DNAH14: variants seen among roughly 807,000 people sequenced by gnomAD.
The protein encoded by DNAH14 is dynein axonemal heavy chain 14.
In DNAH14, 478 loss-of-function variants were observed where a neutral mutation model predicts 520.9. That is an observed-to-expected ratio of 0.92 (90% CI 0.85 to 0.99). The LOEUF (loss-of-function observed/expected upper bound fraction) is 0.99, where lower values mean the gene tolerates loss of function less well. DNAH14 is among the 50% of genes least tolerant of loss of function. The pLI is 0.00. For synonymous variants in DNAH14, 1,581 were observed against 1,757.2 expected, an observed-to-expected ratio of 0.90 and a Z score of 2.51; for missense variants, 4,831 against 5,234.5, an observed-to-expected ratio of 0.92 and a Z score of 2.38.
Position 225,117,615 on chromosome 1 carries a change from A to G in DNAH14, c.3868-69A>G, listed in dbSNP as rs563694106. On this transcript the variant is annotated intron_variant, in intron 23 of 85. Transcript: ENST00000682510. ...GGCTTTTGTTTGTAAGTATAGGTCA[A>G]AATGAGGATGTAATTCATATCATAA... is the stretch of plus-strand genomic sequence containing the variant. The G allele has an allele frequency of 1.4e-5, 14 of 971,446 alleles. No homozygotes were observed. The South Asian group carries it at 2.0e-4, about 14-fold the overall frequency. The allele number at this position is 971,446 out of a possible 1,614,324, so 60.2% of individuals were successfully genotyped here. A position where few individuals can be genotyped will look rare whatever the true frequency, so the allele number is the denominator to read the frequency against.
At position 225,051,755 on chromosome 1, in the gene DNAH14, T is replaced by C. The variant is rs1317311495; in HGVS notation, c.2384T>C (p.Ile795Thr). Reference sequence around the variant, plus strand: ...GTCATACATATGAGCCACACCCTCATACAATCTGTAATTGAAAAAAAGAAC... The same window carrying C: ...GTCATACATATGAGCCACACCCTCACACAATCTGTAATTGAAAAAAAGAAC... The part of the protein sequence containing the change: ...DNVIHMSHTL[I>T]QSVIEKKNKN... The change falls in exon 17 of 86, where the codon ATA becomes ACA. Residue 795 changes from isoleucine to threonine, a missense_variant. Transcript: ENST00000682510. The C allele has an allele frequency of 1.9e-5, 29 of 1,521,812 alleles. No individual in the cohort carries two copies. The highest frequency in any genetic ancestry group is 2.6e-5 in the Non-Finnish European group (29 of 1,134,762). 94.3% of individuals were successfully genotyped at this position (1,521,812 alleles called of 1,614,324 possible).
At chr1:224,941,312 G>C (rs1571906803) in intron 1 of DNAH14, among the ~76,000 whole-genome samples, 1 of 151,894 alleles carries the variant, frequency 6.6e-6, no homozygotes, top group African/African-American at 2.4e-5. Context: ...CTGCATAAAT[G>C]TCTTCTTTTG....
chr1:225,336,650 C>G (rs1047722136), intron 66 of DNAH14, among the ~76,000 whole-genome samples: 1 of 152,162 alleles, frequency 6.6e-6, no homozygotes, highest in Non-Finnish European at 1.5e-5. Context: ...CCTATACCTG[C>G]AGCTGACACG....
chr1:225,338,484 T>G (rs2095109069), intron 68 of DNAH14, among the ~76,000 whole-genome samples: 1 of 152,170 alleles, frequency 6.6e-6, no homozygotes, highest in Non-Finnish European at 1.5e-5. Flanking sequence ...TGGCTCTGCT[T>G]GTTTGTTCTG....
chr1:225,094,656 C>CAAAAAAAAAAAAAAAAAAAAA (rs760828776), intron 21 of DNAH14, among the ~76,000 whole-genome samples: 1 of 77,818 alleles, frequency 1.3e-5, no homozygotes, highest in Non-Finnish European at 3.4e-5. Flanking sequence ...TTCTGCACAG[C>CAAAAAAAAAAAAAAAAAAAAA]AAAAAAAAAA....
rs765625626 is a variant in DNAH14, at chr1:224,960,166, A to G, written c.231A>G (p.Glu77=). The G allele has an allele frequency of 6.3e-7, 1 of 1,589,212 alleles. No individual in the cohort carries two copies. Among genetic ancestry groups the G allele is most frequent in the Admixed American group, 1.9e-5 (1 of 53,524 alleles). ...TTTTATTTTCAGATTACCTTAGAGA[A>G]AGTATAATTCAACAACATATGGTTT... is the stretch of plus-strand genomic sequence containing the variant. ...KSEKTEDYLR[E]SIIQQHMVSP... is the part of the protein sequence containing the mutation. Residue 77 remains glutamate, a synonymous_variant, in exon 4 of 86, where the codon GAA becomes GAG. Transcript: ENST00000682510.
intron 54 of DNAH14, among the ~76,000 whole-genome samples, chr1:225,287,163 G>A (rs2093766336): frequency 6.6e-6 from 1 of 152,088 alleles, no homozygotes; most frequent in Non-Finnish European, 1.5e-5. Context: ...ATTTGTCAAA[G>A]CCCATAGAAC....
In DNAH14 at chr1:225,066,487, A is replaced by G. The variant is rs1321433536; in HGVS notation, c.2425-12720A>G. On this transcript the variant is annotated intron_variant, in intron 17 of 85. Transcript: ENST00000682510. ...TTCAGTCTTCATTTTTAAATTTTTA[A>G]TTTATTTTTATTATGTATTTTTATT... Among the ~76,000 whole-genome samples the G allele has an allele frequency of 9.2e-5, 14 of 151,796 alleles. No individual in the cohort carries two copies. In the East Asian group the frequency reaches 1.9e-3, roughly 21 times the overall value.
At chr1:224,945,191 T>A (rs1254383701) in intron 1 of DNAH14, among the ~76,000 whole-genome samples, 1 of 152,226 alleles carries the variant, frequency 6.6e-6, no homozygotes, top group East Asian at 1.9e-4. Flanking sequence ...TTTGTTCATT[T>A]CTTTTTATTT....
At chr1:225,326,150 TC>T (rs1440045091) in intron 64 of DNAH14, among the ~76,000 whole-genome samples, 1 of 152,226 alleles carries the variant, frequency 6.6e-6, no homozygotes, top group Non-Finnish European at 1.5e-5. Flanking sequence ...CCTCATGTAA[TC>T]CTCACAACAA....
At chr1:225,256,088 A>G (rs997919685) in intron 44 of DNAH14, among the ~76,000 whole-genome samples, 49 of 152,228 alleles carry the variant, frequency 3.2e-4, no homozygotes, top group African/African-American at 1.1e-3. Flanking sequence ...AAGTGATTAA[A>G]TTTTAATTAT....
intron 27 of DNAH14, among the ~76,000 whole-genome samples, chr1:225,137,018 C>A (rs1350024275): frequency 6.6e-6 from 1 of 152,190 alleles, no homozygotes; most frequent in African/African-American, 2.4e-5. Context: ...ATGTTCCTCT[C>A]TAAATTGGCT....
chr1:224,931,483 A>G (rs534265821), intron 1 of DNAH14, among the ~76,000 whole-genome samples: 2 of 152,278 alleles, frequency 1.3e-5, no homozygotes, highest in African/African-American at 4.8e-5. Context: ...TATTTTTGTT[A>G]AGTACATTTT....
intron 75 of DNAH14, among the ~76,000 whole-genome samples, chr1:225,364,366 A>C (rs145972496): frequency 1.3e-5 from 2 of 152,162 alleles, no homozygotes; most frequent in South Asian, 4.1e-4. Context: ...ATGTTCTCCT[A>C]TACAGGAAGA....
intron 18 of DNAH14, among the ~76,000 whole-genome samples, chr1:225,080,175 A>T (rs1205465122): frequency 1.3e-5 from 2 of 152,306 alleles, no homozygotes; most frequent in East Asian, 3.9e-4. Context: ...AAATGGGCTC[A>T]TGGCATAAAA....
At chr1:225,381,354 T>C (rs2095780746) in intron 80 of DNAH14, 29 bp from the exon 81 acceptor site, 11 of 1,520,470 alleles carry the variant, frequency 7.2e-6, no homozygotes, top group Non-Finnish European at 9.7e-6. Flanking sequence ...CTGTAAAATA[T>C]CAAAATTTTA....
intron 25 of DNAH14, among the ~76,000 whole-genome samples, 183 bp from the exon 26 acceptor site, chr1:225,119,037 G>A (rs1394461979): frequency 1.3e-5 from 2 of 151,990 alleles, no homozygotes; most frequent in Non-Finnish European, 2.9e-5. Flanking sequence ...CCTAAAGCAT[G>A]TTCATATGTT....
At chr1:224,961,991 A>T (rs1211129843) in intron 4 of DNAH14, among the ~76,000 whole-genome samples, 3 of 152,170 alleles carry the variant, frequency 2.0e-5, no homozygotes, top group African/African-American at 7.2e-5. Flanking sequence ...GTAAACTGAT[A>T]AAGACCTAAG....
intron 21 of DNAH14, among the ~76,000 whole-genome samples, chr1:225,091,528 A>G (rs553773693): frequency 2.6e-5 from 4 of 152,306 alleles, no homozygotes; most frequent in Admixed American, 2.0e-4. Flanking sequence ...GGACAAGCAA[A>G]TGCTGAGGGA....
Sources: allele counts gnomAD v4.1 joint callset (sites outside exome capture counted in the v4.1 genomes callset), GRCh38; gene constraint gnomAD v4.1.1; transcripts MANE v1.5; gene names NCBI Gene and HGNC (gene_info 2026-07-23, HGNC 2026-07-21).